CAMK1D: variants seen among roughly 807,000 people sequenced by gnomAD.
CAMK1D encodes calcium/calmodulin dependent protein kinase ID.
In CAMK1D, 9 loss-of-function variants were observed where a neutral mutation model predicts 47.7. The observed-to-expected ratio is 0.19, with a 90% confidence interval of 0.11 to 0.33. The LOEUF (loss-of-function observed/expected upper bound fraction) is 0.33, where lower values mean the gene tolerates loss of function less well. CAMK1D is among the 10% of genes least tolerant of loss of function. The pLI, the probability that CAMK1D is intolerant of heterozygous loss-of-function variation, is 1.00. For missense variants in CAMK1D, 291 were observed against 488.7 expected, an observed-to-expected ratio of 0.60 and a Z score of 3.81; for synonymous variants, 184 against 184.9, an observed-to-expected ratio of 0.99 and a Z score of 0.04.
chr10:12,394,003 C>T (rs1838845254), intron 1 of CAMK1D, among the ~76,000 whole-genome samples: 2 of 152,168 alleles, frequency 1.3e-5, no homozygotes, highest in African/African-American at 4.8e-5. Context: ...AGACCGCTCC[C>T]GACACCCCCT....
chr10:12,592,747 A>G (rs972238990), intron 2 of CAMK1D, among the ~76,000 whole-genome samples: 2 of 152,122 alleles, frequency 1.3e-5, no homozygotes, highest in Admixed American at 6.5e-5. Flanking sequence ...TACTGCTACT[A>G]TTTCTCCCGT....
intron 3 of CAMK1D, among the ~76,000 whole-genome samples, chr10:12,743,421 C>T (rs76904014): frequency 0.12 from 18,126 of 151,208 alleles, 2,726 homozygotes; most frequent in African/African-American, 0.35. Context: ...TTTCTAAGGT[C>T]GTATAAAAAT....
chr10:12,761,849 G>A (rs537592898), intron 4 of CAMK1D, among the ~76,000 whole-genome samples: 20 of 152,310 alleles, frequency 1.3e-4, no homozygotes, highest in Non-Finnish European at 1.9e-4. Flanking sequence ...TCGCACCACT[G>A]CAGTCCAGCC....
At chr10:12,506,877 A>G (rs1834892737) in intron 1 of CAMK1D, among the ~76,000 whole-genome samples, 3 of 152,184 alleles carry the variant, frequency 2.0e-5, no homozygotes, top group African/African-American at 7.2e-5. Context: ...AGGACCTGCC[A>G]ACCTCGGGTC....
At chr10:12,547,682 T>TCTCACACACACACACACA (rs10643491) in intron 1 of CAMK1D, among the ~76,000 whole-genome samples, 1 of 116,504 alleles carries the variant, frequency 8.6e-6, no homozygotes, top group Non-Finnish European at 1.7e-5. Flanking sequence ...TTTCTCTCTC[T>TCTCACACACACACACACA]CACACACACA....
chr10:12,618,463 T>G (rs1469905762), intron 2 of CAMK1D, among the ~76,000 whole-genome samples: 1 of 152,246 alleles, frequency 6.6e-6, no homozygotes, highest in African/African-American at 2.4e-5. Context: ...GATGGATGAC[T>G]GAACCGTCTT....
chr10:12,599,039 T>C (rs1027883135), intron 2 of CAMK1D, among the ~76,000 whole-genome samples: 4 of 152,160 alleles, frequency 2.6e-5, no homozygotes, highest in Non-Finnish European at 5.9e-5. Flanking sequence ...AGAGGGGGTG[T>C]GACCTGCCCA....
intron 1 of CAMK1D, among the ~76,000 whole-genome samples, chr10:12,468,307 G>T (rs996159863): frequency 6.6e-6 from 1 of 152,182 alleles, no homozygotes; most frequent in African/African-American, 2.4e-5. Context: ...AGCAATCTGC[G>T]TGCCTTACCT....
intron 5 of CAMK1D, among the ~76,000 whole-genome samples, chr10:12,785,662 G>C (rs1588924979): frequency 6.6e-6 from 1 of 152,126 alleles, no homozygotes; most frequent in African/African-American, 2.4e-5. Flanking sequence ...GAAGCTGGAC[G>C]CTGTGATTTT....
Position 12,520,822 on chromosome 10 carries a change from G to T in CAMK1D, c.93-32403G>T, listed in dbSNP as rs1394240449. Among the ~76,000 whole-genome samples, 3 of 50,894 alleles carry T rather than the reference G, an allele frequency of 5.9e-5. 1 individual carries two copies. Among genetic ancestry groups the T allele is most frequent in the African/African-American group, 1.6e-4 (2 of 12,868 alleles). 33.4% of individuals were successfully genotyped at this position (50,894 alleles called of 152,430 possible). On this transcript the variant is annotated intron_variant, in intron 1 of 10. Coordinates refer to ENST00000619168, the MANE Select transcript of CAMK1D (RefSeq NM_153498.4). ...CGCGCGCCTGCAATCGCAGGCACTC[G>T]GCAGGCTGAGGCAGGAGAATCAGGC... is the stretch of plus-strand genomic sequence containing the variant.
At chr10:12,804,964 A>C (rs12778557) in intron 6 of CAMK1D, among the ~76,000 whole-genome samples, 1 of 137,912 alleles carries the variant, frequency 7.3e-6, no homozygotes. Context: ...AAAAAAAGAT[A>C]CAAAAAAAAT....
chr10:12,738,063 G>T (rs1338122193), intron 3 of CAMK1D, among the ~76,000 whole-genome samples: 1 of 152,154 alleles, frequency 6.6e-6, no homozygotes, highest in Non-Finnish European at 1.5e-5. Flanking sequence ...TCTTCCTCAA[G>T]ACAATAAATA....
chr10:12,502,649 C>T (rs765457965), intron 1 of CAMK1D, among the ~76,000 whole-genome samples: 3 of 152,228 alleles, frequency 2.0e-5, no homozygotes, highest in Non-Finnish European at 2.9e-5. Context: ...CCCGGGCCCT[C>T]GGACACCAGG....
intron 1 of CAMK1D, among the ~76,000 whole-genome samples, chr10:12,535,794 T>C (rs10458820): frequency 0.32 from 49,399 of 152,090 alleles, 8,546 homozygotes; most frequent in East Asian, 0.48. Flanking sequence ...GCCTCATCCA[T>C]GCAGTTACTG....
chr10:12,531,056 T>TAAA (rs11373354), intron 1 of CAMK1D, among the ~76,000 whole-genome samples: 32 of 141,070 alleles, frequency 2.3e-4, no homozygotes, highest in East Asian at 4.2e-4. Context: ...AGACTCTGCT[T>TAAA]AAAAAAAAAA....
intron 2 of CAMK1D, among the ~76,000 whole-genome samples, chr10:12,627,621 C>G (rs1469809795): frequency 6.6e-6 from 1 of 152,128 alleles, no homozygotes; most frequent in Non-Finnish European, 1.5e-5. Flanking sequence ...TTCTAGACTT[C>G]ATGTAAATGG....
intron 6 of CAMK1D, among the ~76,000 whole-genome samples, chr10:12,792,684 T>G (rs1838027952): frequency 6.6e-6 from 1 of 152,224 alleles, no homozygotes; most frequent in Middle Eastern, 3.2e-3. Context: ...TTAGTGTGGA[T>G]TTAGGTAACA....
intron 3 of CAMK1D, among the ~76,000 whole-genome samples, chr10:12,671,911 CTTTTTTTTTTT>C (rs773722384): frequency 1.0e-5 from 1 of 98,922 alleles, no homozygotes; most frequent in East Asian, 3.0e-4. Context: ...TCACCTAATT[CTTTTTTTTTTT>C]TTTTTTTTTT....
At chr10:12,549,461 CAAG>C (rs1241691570) in intron 1 of CAMK1D, among the ~76,000 whole-genome samples, 1 of 152,204 alleles carries the variant, frequency 6.6e-6, no homozygotes, top group Non-Finnish European at 1.5e-5. Flanking sequence ...CCAATGGATG[CAAG>C]GATTGTTGCC....
Sources: gnomAD v4.1 joint callset for allele counts (sites outside exome capture counted in the v4.1 genomes callset) on GRCh38, gnomAD v4.1.1 for gene constraint, MANE v1.5 for transcripts, NCBI Gene and HGNC (gene_info 2026-07-23, HGNC 2026-07-21) for gene names.